The following UBA7 variants were observed in gnomAD, a reference collection of about 807,000 sequenced individuals.
UBA7 encodes the protein ubiquitin-like modifier-activating enzyme 7.
UBA7 carries 88 observed loss-of-function variants against 113.0 expected under a neutral mutation model. The observed-to-expected ratio is 0.78, with a 90% confidence interval of 0.66 to 0.93. The LOEUF (loss-of-function observed/expected upper bound fraction) is 0.93, where lower values mean the gene tolerates loss of function less well. Among genes scored for constraint, UBA7 ranks in the 40% least tolerant of loss-of-function variants. The probability of loss-of-function intolerance (pLI) is 0.00; values close to 1 mark genes in which losing one functional copy is unlikely to be tolerated. For missense variants in UBA7, 1,092 were observed against 1,266.4 expected (o/e 0.86, Z 2.09); for synonymous variants, 459 against 513.0 (o/e 0.89, Z 1.42).
chr3:49,810,884 T>A lies in UBA7; in HGVS notation c.1231-52A>T. On this transcript the variant is annotated intron_variant, in intron 10 of 23. Coordinates refer to ENST00000333486, the MANE Select transcript of UBA7 (RefSeq NM_003335.3). This position sits in a 1 kb window ranked among gnomAD's most constrained non-coding sequence, Gnocchi z 5.6. ...TGGCTACTGGCCTGCATCTCCTTCT[T>A]ATACTGAGTTTTCTGAATCAGGACC... The A allele has an allele frequency of 6.2e-7, 1 of 1,612,206 alleles. No homozygotes were observed. The highest frequency in any genetic ancestry group is 8.5e-7 in the Non-Finnish European group (1 of 1,178,344).
chr3:49,810,167 A>G lies in UBA7; in HGVS notation c.1650T>C (p.Ala550=). 2 of 1,613,222 alleles carry G rather than the reference A, an allele frequency of 1.2e-6. No individual in the cohort carries two copies. Among genetic ancestry groups the G allele is most frequent in the Non-Finnish European group, 1.7e-6 (2 of 1,179,944 alleles). Residue 550 remains alanine, a synonymous_variant, in exon 14 of 24, where the codon GCT becomes GCC. Coordinates refer to ENST00000333486, the MANE Select transcript of UBA7 (RefSeq NM_003335.3). The surrounding 1 kb of genome is among the most constrained non-coding windows in gnomAD (Gnocchi z 5.6). ...DSFQARRYVA[A]RCTHYLKPLL... Reference sequence around the variant, plus strand: ...GTGGCTTCAGATAGTGGGTGCAACGAGCAGCCACATAGCGCCCTGGCAAGG... The same window carrying G: ...GTGGCTTCAGATAGTGGGTGCAACGGGCAGCCACATAGCGCCCTGGCAAGG...
chr3:49,805,463 T>C (rs1229332059), intron 23 of UBA7, 26 bp from the exon 24 acceptor site: 1 of 1,608,606 alleles, frequency 6.2e-7, no homozygotes, highest in Non-Finnish European at 8.5e-7. Flanking sequence ...TTAGGGGAGA[T>C]TGGAGAGGTG....
Position 49,810,853 on chromosome 3 carries a change from C to T in UBA7, c.1231-21G>A, listed in dbSNP as rs371513163. ...CCTCTCTAGGGGACAGAGACGGGGT[C>T]AGTGATGGCTACTGGCCTGCATCTC... is the stretch of plus-strand genomic sequence containing the variant. On this transcript the variant is annotated intron_variant, in intron 10 of 23. Transcript: ENST00000333486. This position sits in a 1 kb window ranked among gnomAD's most constrained non-coding sequence, Gnocchi z 5.6. The T allele has an allele frequency of 3.7e-6, 6 of 1,613,830 alleles. No homozygotes were observed. Among genetic ancestry groups the T allele is most frequent in the Non-Finnish European group, 5.1e-6 (6 of 1,179,902 alleles).
chr3:49,805,285 T>G lies in UBA7; in HGVS notation c.*23A>C. On this transcript the variant is annotated 3_prime_UTR_variant, in exon 24 of 24. Transcript: ENST00000333486. ...CTTGGGATCCGGGGCTCCATTGAGC[T>G]AGGTGACAGGGTGGCTGCCTTGTCA... The G allele has an allele frequency of 6.2e-7, 1 of 1,608,990 alleles. No individual in the cohort carries two copies. Among genetic ancestry groups the G allele is most frequent in the South Asian group, 1.1e-5 (1 of 90,860 alleles).
intron 15 of UBA7, 21 bp from the exon 16 acceptor site, chr3:49,809,746 G>A (rs758853681): frequency 1.9e-6 from 3 of 1,613,998 alleles, no homozygotes; most frequent in Admixed American, 1.7e-5. Context: ...AGGAGGAAGT[G>A]TGAGACTGAG....
In UBA7 at chr3:49,811,356, G is replaced by C. The variant is rs746497550; in HGVS notation, c.1039C>G (p.Arg347Gly). The C allele has an allele frequency of 6.2e-7, 1 of 1,614,134 alleles. No homozygotes were observed. The highest frequency in any genetic ancestry group is 8.5e-7 in the Non-Finnish European group (1 of 1,179,988). ...LEEPLDEALVRTVALSSAGVL... is the reference protein window; with the variant it reads ...LEEPLDEALVGTVALSSAGVL... ...CCTGCACTGCTTAGGGCGACTGTCC[G>C]CACTAGGGCCTCATCCAGTGGCTCT... The change falls in exon 9 of 24, where the codon CGG (arginine) becomes GGG (glycine). Residue 347 changes from arginine to glycine, a missense_variant. By Grantham distance (125) the Arg-to-Gly change is moderately radical. This residue lies in a region of UBA7 where 584 missense variants were observed against 714.5 expected (regional missense o/e 0.82). Transcript: ENST00000333486.
chr3:49,806,615 C>T (rs973718212), intron 21 of UBA7, among the ~76,000 whole-genome samples: 4 of 152,094 alleles, frequency 2.6e-5, no homozygotes, highest in Non-Finnish European at 4.4e-5. Context: ...CCACCAGGGC[C>T]CCACTGTCCC....
chr3:49,811,764 G>T, intron 8 of UBA7, 106 bp downstream of exon 8: 4 of 1,547,008 alleles, frequency 2.6e-6, no homozygotes, highest in East Asian at 2.2e-5. Flanking sequence ...AAAGGCTGCA[G>T]TGTTGGGAGA....
At position 49,811,077 on chromosome 3, in the gene UBA7, CT is replaced by C. The variant is rs759135279; in HGVS notation, c.1136del (p.Lys379SerfsTer32). The C allele has an allele frequency of 2.5e-6, 4 of 1,614,076 alleles. No homozygotes were observed. In the South Asian group the frequency reaches 4.4e-5, roughly 18 times the overall value. ...AAAGCCACTGGTCCAGAGGCATGAA[CT>C]TCCTGGAGATTGCCTAGGGGCAGCA... ...AQEVLKAISR[K>X]FMPLDQWLYF... On this transcript the variant is annotated frameshift_variant, in exon 10 of 24. Transcript: ENST00000333486. LOFTEE classifies it high-confidence loss of function.
rs563715191 is a variant in UBA7 at position 49,811,025 on chromosome 3, C to G, written c.1189G>C (p.Glu397Gln). 6.8e-6 allele frequency: 11 copies of G among 1,614,148 alleles called. No homozygotes were observed. Among genetic ancestry groups the G allele is most frequent in the Non-Finnish European group, 9.3e-6 (11 of 1,180,004 alleles). The change falls in exon 10 of 24, where the codon GAA becomes CAA. Residue 397 changes from glutamate to glutamine, a missense_variant. Physicochemically the swap from Glu to Gln is conservative, Grantham distance 29. Transcript: ENST00000333486. ...GGACTGGGAAGGAGCTCCCCATCTT[C>G]CGGAAGACAATCGAGGGCATCAAAG... Reference protein sequence around the residue: ...LYFDALDCLPEDGELLPSPED... With the variant: ...LYFDALDCLPQDGELLPSPED...
chr3:49,805,240 T>G lies in UBA7; in HGVS notation c.*68A>C, dbSNP rs2081427457. The G allele has an allele frequency of 6.7e-7, 1 of 1,495,396 alleles. No individual in the cohort carries two copies. Among genetic ancestry groups the G allele is most frequent in the African/African-American group, 1.4e-5 (1 of 72,486 alleles). The allele number at this position is 1,495,396 out of a possible 1,614,324, so 92.6% of individuals were successfully genotyped here. On this transcript the variant is annotated 3_prime_UTR_variant, in exon 24 of 24. Coordinates refer to ENST00000333486, the MANE Select transcript of UBA7 (RefSeq NM_003335.3). The stretch of plus-strand genomic sequence containing the variant: ...TAACAAGCATTTATTGAGTGCCTAC[T>G]GTGGGCTTACAATGCAGGGCTTGGG...
chr3:49,808,095 G>A lies in UBA7; in HGVS notation c.2448C>T (p.Phe816=). ...LMFEKDDDSN[F]HVDFVVAAAS... is the part of the protein sequence containing the mutation. The stretch of plus-strand genomic sequence containing the variant: ...CTGCCGCTACCACAAAGTCCACATG[G>A]AAGTTGCTGTCATCATCCTGTAAGG... The change falls in exon 20 of 24, where the codon TTC becomes TTT. Residue 816 remains phenylalanine, a synonymous_variant. Coordinates refer to ENST00000333486, the MANE Select transcript of UBA7 (RefSeq NM_003335.3). 1 of 1,614,120 alleles carries A rather than the reference G, an allele frequency of 6.2e-7. No individual in the cohort carries two copies. Among genetic ancestry groups the A allele is most frequent in the South Asian group, 1.1e-5 (1 of 91,070 alleles).
rs769949590 is a variant in UBA7 at position 49,810,325 on chromosome 3, T to C, written c.1571A>G (p.Tyr524Cys). Residue 524 changes from tyrosine to cysteine, a missense_variant, in exon 13 of 24, where the codon TAT becomes TGT. By Grantham distance (194) the Tyr-to-Cys change is radical. Transcript: ENST00000333486. The surrounding 1 kb of genome is among the most constrained non-coding windows in gnomAD (Gnocchi z 5.6). ...YPLDPTTEHI[Y>C]GDNFFSRVDG... ...CACACGGGAGAAAAAGTTATCCCCA[T>C]AGATGTGCTCTGTGGTGGGATCCAG... The C allele has an allele frequency of 9.9e-6, 16 of 1,614,028 alleles. No individual in the cohort carries two copies. In the Admixed American group the frequency reaches 1.2e-4, roughly 12 times the overall value.
rs747912904 is a variant in UBA7 at position 49,805,383 on chromosome 3, C to A, written c.2964G>T (p.Arg988=). Reference sequence around the variant, plus strand: ...CACAGCTCAGCTCTAGCACCAACACCCGCTGCCCAGGAGCAGGTGCCTGGC... The same window carrying A: ...CACAGCTCAGCTCTAGCACCAACACACGCTGCCCAGGAGCAGGTGCCTGGC... ...LTGQAPAPGQ[R]VLVLELSCEG... The change falls in exon 24 of 24, where the codon CGG becomes CGT. Residue 988 remains arginine (R), a synonymous_variant. Transcript: ENST00000333486. 6.2e-7 allele frequency: 1 copy of A among 1,613,770 alleles called. No individual in the cohort carries two copies. Among genetic ancestry groups the A allele is most frequent in the Non-Finnish European group, 8.5e-7 (1 of 1,179,990 alleles).
rs746777082 is a variant in UBA7 at position 49,809,682 on chromosome 3, T to C, written c.1948A>G (p.Thr650Ala). The C allele has an allele frequency of 3.7e-6, 6 of 1,613,990 alleles. No individual in the cohort carries two copies. The highest frequency in any genetic ancestry group is 1.6e-4 in the Middle Eastern group (1 of 6,062). ...ACCCCAAGCACTGGCTTCAGTAAGG[T>C]GAGTGTCTGTGGCTCATCCATGTCT... is the stretch of plus-strand genomic sequence containing the variant. ...LADMDEPQTL[T>A]LLKPVLGVLR... The change falls in exon 16 of 24, where the codon ACC becomes GCC. Residue 650 changes from threonine (T) to alanine (A), a missense_variant. By Grantham distance (58) the Thr-to-Ala change is moderately conservative (BLOSUM62 0). Transcript: ENST00000333486.
rs114272505 is a variant in UBA7, at chr3:49,808,010, G to C, written c.2523+10C>G. 1 of 1,614,036 alleles carries C rather than the reference G, an allele frequency of 6.2e-7. No homozygotes were observed. The highest frequency in any genetic ancestry group is 8.5e-7 in the Non-Finnish European group (1 of 1,179,998). On this transcript the variant is annotated intron_variant, in intron 20 of 23. Transcript: ENST00000333486. ...CACCTCCAGGCCCAAGCCTCAAGGG[G>C]TGGGGTTACCTGGGCACGGTTGACC... is the stretch of plus-strand genomic sequence containing the variant.
Position 49,812,487 on chromosome 3 carries a change from A to G in UBA7, c.615T>C (p.Asp205=), listed in dbSNP as rs200614374. 6 of 1,614,200 alleles carry G rather than the reference A, an allele frequency of 3.7e-6. No homozygotes were observed. In the African/African-American group the frequency reaches 5.3e-5, roughly 14 times the overall value. The change falls in exon 6 of 24, where the codon GAT becomes GAC. Residue 205 remains aspartate (D), a synonymous_variant. Coordinates refer to ENST00000333486, the MANE Select transcript of UBA7 (RefSeq NM_003335.3). ...RKGANTHYFR[D]GDLVTFSGIE... is the part of the protein sequence containing the mutation. ...TTCCCGAGAAAGTCACCAAGTCTCC[A>G]TCACGGAAGTAGTGGGTATTGGCCC...
At chr3:49,808,883 T>C in intron 18 of UBA7, 93 bp downstream of exon 18, 1 of 1,475,650 alleles carries the variant, frequency 6.8e-7, no homozygotes, top group Non-Finnish European at 9.1e-7. Flanking sequence ...GTAGATCCCC[T>C]AGGCCCTATC....
rs2081521533 is a variant in UBA7 at position 49,810,227 on chromosome 3, T to G, written c.1633+36A>C. ...GTCAGAAGTGGGACTGGCACAGCTG[T>G]GGGCAAGGGACTGACCTCCGAAGTC... On this transcript the variant is annotated intron_variant, in intron 13 of 23. Transcript: ENST00000333486. This position sits in a 1 kb window ranked among gnomAD's most constrained non-coding sequence, Gnocchi z 5.6. 6 of 1,612,900 alleles carry G rather than the reference T, an allele frequency of 3.7e-6. No homozygotes were observed. The highest frequency in any genetic ancestry group is 5.1e-6 in the Non-Finnish European group (6 of 1,179,346).
Sources: gnomAD v4.1 joint callset for allele counts (sites outside exome capture counted in the v4.1 genomes callset) on GRCh38, gnomAD v4.1.1 for gene constraint, gnomAD v4.1.1 regional missense constraint, Gnocchi (gnomAD v3.1) non-coding constraint, MANE v1.5 for transcripts, NCBI Gene and HGNC (gene_info 2026-07-23, HGNC 2026-07-21) for gene names.